PPP2R1B: variants seen among roughly 807,000 people sequenced by gnomAD.
PPP2R1B encodes protein phosphatase 2 scaffold subunit Abeta, also known as serine/threonine-protein phosphatase 2A 65 kDa regulatory subunit A beta isoform.
PPP2R1B carries 58 observed loss-of-function variants against 72.7 expected under a neutral mutation model. The observed-to-expected ratio is 0.80, with a 90% confidence interval of 0.65 to 0.99. PPP2R1B has a LOEUF of 0.99. Among genes scored for constraint, PPP2R1B ranks in the 50% least tolerant of loss-of-function variants. The pLI is 0.00. For synonymous variants in PPP2R1B, 256 were observed against 264.6 expected (o/e 0.97, Z 0.32); for missense variants, 695 against 733.6 (o/e 0.95, Z 0.61).
At chr11:111,703,569 A>G in the PPP2R1B span, 3 of 669,284 alleles carry the variant, frequency 4.5e-6, no homozygotes, top group Non-Finnish European at 7.5e-6. Context: ...ATCAGACTCT[A>G]TTTATATTTG....
At chr11:111,703,644 T>C in the PPP2R1B span, among the ~76,000 whole-genome samples, 1 of 152,210 alleles carries the variant, frequency 6.6e-6, no homozygotes, top group Non-Finnish European at 1.5e-5. Context: ...AGAGGAGGCA[T>C]TTATAAAAGA....
rs1555044067 is a variant in PPP2R1B, at chr11:111,738,925, T to TGTGTCTGC, written c.*2670_*2671insGCAGACAC. 8.6e-5 allele frequency: 85 copies of TGTGTCTGC among 982,852 alleles called. No homozygotes were observed. The African/African-American group carries it at 1.2e-3, about 14-fold the overall frequency. The allele number at this position is 982,852 out of a possible 1,614,324, so 60.9% of individuals were successfully genotyped here. ...GTGTGTGTGTGTGTGTGTGTGTGTG[T>TGTGTCTGC]CTGCTTCATTTTTCTAATCAAACAA... is the stretch of plus-strand genomic sequence containing the variant. On this transcript the variant is annotated 3_prime_UTR_variant, in exon 15 of 15. Transcript: ENST00000527614.
At chr11:111,735,970 T>C (rs1944328891), downstream of PPP2R1B, among the ~76,000 whole-genome samples, 2 of 152,104 alleles carry the variant, frequency 1.3e-5, no homozygotes, top group Non-Finnish European at 2.9e-5. Flanking sequence ...GTGAAACAAA[T>C]GCATGGAAGG....
chr11:111,731,999 C>G lies in PPP2R1B; in HGVS notation c.1912-4942G>C, dbSNP rs377036711. On this transcript the variant is annotated intron_variant, in intron 15 of 15. Transcript: ENST00000311129. ...CCAACCCCGCACTCCCCAGGACACT[C>G]TTCAGTTCTGCAGCCTTTGTGAGTC... 3.9e-5 allele frequency among the ~76,000 whole-genome samples: 6 copies of G among 152,348 alleles called. No individual in the cohort carries two copies. In the South Asian group the frequency reaches 1.0e-3, roughly 26 times the overall value.
the PPP2R1B span, chr11:111,721,882 A>T: frequency 6.2e-7 from 1 of 1,612,828 alleles, no homozygotes; most frequent in African/African-American, 1.3e-5. Flanking sequence ...GCCAGCGTGC[A>T]TCCCCAGCTG....
the PPP2R1B span, among the ~76,000 whole-genome samples, chr11:111,695,285 A>T: frequency 6.6e-6 from 1 of 152,210 alleles, no homozygotes; most frequent in Non-Finnish European, 1.5e-5. Flanking sequence ...AGGATTTTTT[A>T]AATTATAAAT....
At chr11:111,748,105 T>TA (rs1437590730) in intron 10 of PPP2R1B, 91 bp from the exon 11 acceptor site, 36 of 1,143,338 alleles carry the variant, frequency 3.1e-5, no homozygotes, top group Non-Finnish European at 4.0e-5. Flanking sequence ...ACCTGAAGGC[T>TA]AAAAAAACTT....
the PPP2R1B span, among the ~76,000 whole-genome samples, chr11:111,696,638 TAGAG>T: frequency 6.6e-6 from 1 of 152,118 alleles, no homozygotes; most frequent in East Asian, 1.9e-4. Context: ...CTGAGTCTGG[TAGAG>T]AGAGAGACGA....
chr11:111,724,468 A>T (rs901571585), downstream of PPP2R1B: 2 of 288,548 alleles, frequency 6.9e-6, no homozygotes, highest in African/African-American at 4.3e-5. Flanking sequence ...TCCGTTTATT[A>T]TCAAGGGCAA....
chr11:111,742,316 T>TACCA, intron 13 of PPP2R1B, 172 bp from the exon 14 acceptor site: 3 of 614,578 alleles, frequency 4.9e-6, no homozygotes, highest in African/African-American at 2.1e-5. Context: ...AAAATCAGCT[T>TACCA]CAGACAAGGA....
chr11:111,717,323 A>AAG, the PPP2R1B span, among the ~76,000 whole-genome samples: 1 of 135,836 alleles, frequency 7.4e-6, no homozygotes, highest in Non-Finnish European at 1.5e-5. Flanking sequence ...GTCTCAAAAA[A>AAG]AAAAAAAAAA....
downstream of PPP2R1B, among the ~76,000 whole-genome samples, chr11:111,733,384 G>C (rs1019248490): frequency 6.6e-6 from 1 of 152,102 alleles, no homozygotes; most frequent in African/African-American, 2.4e-5. Context: ...CCCTGGAGCC[G>C]AGCCCCCAAA....
chr11:111,723,823 G>A (rs1361998338), downstream of PPP2R1B: 10 of 1,190,384 alleles, frequency 8.4e-6, no homozygotes, highest in Middle Eastern at 2.2e-4. Flanking sequence ...AGCCGCCACC[G>A]CCACCACCCC....
intron 3 of PPP2R1B, among the ~76,000 whole-genome samples, chr11:111,762,553 C>CT (rs11431567): frequency 0.73 from 99,834 of 136,206 alleles, 37,014 homozygotes; most frequent in African/African-American, 0.87. Flanking sequence ...TCCAGCAGTT[C>CT]TTTTTTTTTT....
chr11:111,717,174 G>A, the PPP2R1B span, among the ~76,000 whole-genome samples: 1 of 151,922 alleles, frequency 6.6e-6, no homozygotes, highest in Non-Finnish European at 1.5e-5. Flanking sequence ...AAATTAGCCG[G>A]GCGTGGTGAT....
At chr11:111,702,843 A>C in the PPP2R1B span, among the ~76,000 whole-genome samples, 1 of 152,206 alleles carries the variant, frequency 6.6e-6, no homozygotes, top group African/African-American at 2.4e-5. Flanking sequence ...GTATATCAGC[A>C]TTAGATATGA....
At chr11:111,727,182 G>T in intron 15 of PPP2R1B, 1 of 770,410 alleles carries the variant, frequency 1.3e-6, no homozygotes, top group Non-Finnish European at 2.2e-6. Flanking sequence ...GTCACCGTGG[G>T]AAAAGGAGGC....
the PPP2R1B span, among the ~76,000 whole-genome samples, chr11:111,705,985 A>G: frequency 3.3e-5 from 5 of 152,194 alleles, no homozygotes; most frequent in Non-Finnish European, 7.3e-5. The surrounding 1 kb of genome is among the most constrained non-coding windows in gnomAD (Gnocchi z 4.3). Flanking sequence ...CTCTGTATGA[A>G]GTTAGCAATG....
the PPP2R1B span, among the ~76,000 whole-genome samples, chr11:111,707,810 C>T: frequency 3.9e-5 from 6 of 152,164 alleles, no homozygotes; most frequent in East Asian, 9.7e-4. Flanking sequence ...ACAAAGATAA[C>T]GTGAGCTGTG....
Sources: allele counts gnomAD v4.1 joint callset (sites outside exome capture counted in the v4.1 genomes callset), GRCh38; gene constraint gnomAD v4.1.1; non-coding constraint Gnocchi (gnomAD v3.1); transcripts MANE v1.5; gene names NCBI Gene and HGNC (gene_info 2026-07-23, HGNC 2026-07-21).